The following PPP2R2C variants were observed in gnomAD, a reference collection of about 807,000 sequenced individuals.
PPP2R2C encodes protein phosphatase 2, regulatory subunit B, gamma.
PPP2R2C carries 10 observed loss-of-function variants against 45.3 expected under a neutral mutation model. The ratio of observed to expected loss-of-function variants is 0.22; its 90% CI spans 0.14 to 0.37. The LOEUF is 0.37. Among genes scored for constraint, PPP2R2C ranks in the 10% least tolerant of loss-of-function variants. The pLI is 1.00. For synonymous variants in PPP2R2C, 257 were observed against 245.4 expected (o/e 1.05, Z -0.44); for missense variants, 308 against 619.7 (o/e 0.50, Z 5.34).
chr4:6,562,962 C>CAAAAGAAAAAAAAAAAAAAAAA (rs1725627729), intron 1 of PPP2R2C, among the ~76,000 whole-genome samples: 1 of 83,262 alleles, frequency 1.2e-5, no homozygotes, highest in African/African-American at 4.6e-5. Flanking sequence ...CCCTGCCAGC[C>CAAAAGAAAAAAAAAAAAAAAAA]AAAAAAAAAA....
intron 1 of PPP2R2C, among the ~76,000 whole-genome samples, chr4:6,469,320 C>T (rs1721741879): frequency 6.6e-6 from 1 of 152,018 alleles, no homozygotes; most frequent in South Asian, 2.1e-4. Context: ...ATTGCAAACG[C>T]CCTGAAGCAA....
chr4:6,353,917 CCCCCCCACACCGACAG>C (rs1480469462), intron 5 of PPP2R2C, among the ~76,000 whole-genome samples: 2 of 5,504 alleles, frequency 3.6e-4, no homozygotes, highest in African/African-American at 2.2e-3. Context: ...ACACCGACAG[CCCCCCCACACCGACAG>C]CCCCCCACAC....
chr4:6,526,510 C>G (rs1724214069), intron 2 of PPP2R2C, among the ~76,000 whole-genome samples: 1 of 152,242 alleles, frequency 6.6e-6, no homozygotes, highest in African/African-American at 2.4e-5. Context: ...CTAAATGCTA[C>G]TGAACTGTGC....
chr4:6,361,362 A>G (rs908720702), intron 5 of PPP2R2C, among the ~76,000 whole-genome samples: 10 of 152,232 alleles, frequency 6.6e-5, no homozygotes, highest in African/African-American at 2.4e-4. Context: ...CCAAGCTATG[A>G]AAAAGGAAGA....
chr4:6,356,046 C>T (rs1032943847), intron 5 of PPP2R2C, among the ~76,000 whole-genome samples: 2 of 148,452 alleles, frequency 1.3e-5, no homozygotes, highest in Admixed American at 6.8e-5. Flanking sequence ...GCACGTCACA[C>T]GTGCTGCGGG....
rs914275216 is a variant in PPP2R2C, at chr4:6,350,154, G to A, written c.626-2144C>T. On this transcript the variant is annotated intron_variant, in intron 5 of 8. Transcript: ENST00000382599. ...CAGTTTTCCAGTATGAAAAGAAGCA[G>A]CGATTAAATAATGAAAAATGATACT... 45 of 985,434 alleles carry A rather than the reference G, an allele frequency of 4.6e-5. No homozygotes were observed. The African/African-American group carries it at 7.5e-4, about 16-fold the overall frequency. 61.0% of individuals were successfully genotyped at this position (985,434 alleles called of 1,614,324 possible). A position where few individuals can be genotyped will look rare whatever the true frequency, so the allele number is the denominator to read the frequency against.
chr4:6,362,663 T>A (rs1371303168), intron 5 of PPP2R2C, among the ~76,000 whole-genome samples: 1 of 152,330 alleles, frequency 6.6e-6, no homozygotes, highest in Non-Finnish European at 1.5e-5. Flanking sequence ...TCTCCACTTC[T>A]GCTGAGTTGG....
intron 4 of PPP2R2C, among the ~76,000 whole-genome samples, chr4:6,373,053 A>T (rs1316085361): frequency 6.6e-6 from 1 of 152,236 alleles, no homozygotes; most frequent in African/African-American, 2.4e-5. Flanking sequence ...TCACTGGGAA[A>T]CAGCTGTCTA....
In PPP2R2C at chr4:6,330,370, C is replaced by T. The variant is rs1050448707; in HGVS notation, c.961-1017G>A. ...TGAAGGGTGGTGTGAACGTCAATTT[C>T]GTGTGTCAGCTTGGCTGGGCCAAGG... On this transcript the variant is annotated intron_variant, in intron 7 of 8. Coordinates refer to ENST00000382599, the MANE Select transcript of PPP2R2C (RefSeq NM_020416.4). The surrounding 1 kb of genome is among the most constrained non-coding windows in gnomAD (Gnocchi z 7.0). 2.1e-4 allele frequency among the ~76,000 whole-genome samples: 32 copies of T among 152,306 alleles called. No homozygotes were observed. Among genetic ancestry groups the T allele is most frequent in the African/African-American group, 6.5e-4 (27 of 41,566 alleles).
chr4:6,455,588 G>T (rs73207829), intron 1 of PPP2R2C, among the ~76,000 whole-genome samples: 13,304 of 152,094 alleles, frequency 0.087, 772 homozygotes, highest in Non-Finnish European at 0.13. Context: ...GCCCACCCTG[G>T]GCAACTGACT....
At chr4:6,523,410 A>G (rs1724088423) in intron 2 of PPP2R2C, 1 of 152,180 alleles carries the variant, frequency 6.6e-6, no homozygotes, top group Non-Finnish European at 1.5e-5. Context: ...AAACAACCCA[A>G]TTTCAAAATG....
Position 6,323,512 on chromosome 4 carries a change from C to T in PPP2R2C, c.1134G>A (p.Ser378=), listed in dbSNP as rs199531720. The T allele has an allele frequency of 1.4e-5, 22 of 1,606,398 alleles. No homozygotes were observed. Among genetic ancestry groups the T allele is most frequent in the African/African-American group, 1.3e-5 (1 of 74,936 alleles). ...CAGCCCGGGGCTTGCTGCTTTCCCT[C>T]GAGGCCTCCAGGGTCACGTCCCGCT... The part of the protein sequence containing the change: ...NTKRDVTLEA[S]RESSKPRAVL... The change falls in exon 9 of 9, where the codon TCG becomes TCA. Residue 378 remains serine, a synonymous_variant. Coordinates refer to ENST00000382599, the MANE Select transcript of PPP2R2C (RefSeq NM_020416.4).
At chr4:6,456,899 T>G (rs528486011) in intron 1 of PPP2R2C, among the ~76,000 whole-genome samples, 1 of 152,086 alleles carries the variant, frequency 6.6e-6, no homozygotes, top group Non-Finnish European at 1.5e-5. Context: ...GCTGTACGGG[T>G]GGTGTGGATC....
rs1019840897 is a variant in PPP2R2C, at chr4:6,321,818, G to C, written c.*1484C>G. The C allele has an allele frequency of 1.3e-5, 2 of 152,210 alleles. No homozygotes were observed. The highest frequency in any genetic ancestry group is 2.9e-5 in the Non-Finnish European group (2 of 68,044). 9.4% of individuals were successfully genotyped at this position (152,210 alleles called of 1,614,324 possible). A position where few individuals can be genotyped will look rare whatever the true frequency, so the allele number is the denominator to read the frequency against. On this transcript the variant is annotated 3_prime_UTR_variant, in exon 9 of 9. Coordinates refer to ENST00000382599, the MANE Select transcript of PPP2R2C (RefSeq NM_020416.4). ...CACCAGAACAGGAGCATCTACCATG[G>C]AAACACCACCTTCTCTGTGGCCCTC... is the stretch of plus-strand genomic sequence containing the variant.
Position 6,508,270 on chromosome 4 carries a change from A to C in PPP2R2C, c.49+27001T>G, listed in dbSNP as rs907174786. On this transcript the variant is annotated intron_variant, in intron 2 of 9. Coordinates refer to the PPP2R2C transcript ENST00000506140. ...AATTGGTTACAGCTGGCATCAGGGAAAGGCAGTCTCCCAATAGAAACAGCT... is the reference window on the plus strand; with the variant it reads ...AATTGGTTACAGCTGGCATCAGGGACAGGCAGTCTCCCAATAGAAACAGCT... 1.6e-4 allele frequency among the ~76,000 whole-genome samples: 24 copies of C among 152,324 alleles called. No homozygotes were observed. In the East Asian group the frequency reaches 4.4e-3, roughly 28 times the overall value.
chr4:6,540,675 A>C (rs1343521955), intron 1 of PPP2R2C, among the ~76,000 whole-genome samples: 1 of 152,266 alleles, frequency 6.6e-6, no homozygotes, highest in Non-Finnish European at 1.5e-5. Context: ...TGGCTACACC[A>C]TTTCACGTTC....
At chr4:6,472,134 G>A (rs1721933129) in intron 1 of PPP2R2C, 26 bp downstream of exon 1, 2 of 1,613,216 alleles carry the variant, frequency 1.2e-6, no homozygotes, top group Non-Finnish European at 1.7e-6. Flanking sequence ...GCCGGCCGGA[G>A]GGGTCTCAGA....
chr4:6,348,232 A>G (rs1235993618), intron 5 of PPP2R2C, among the ~76,000 whole-genome samples: 1 of 151,506 alleles, frequency 6.6e-6, no homozygotes, highest in Non-Finnish European at 1.5e-5. Flanking sequence ...TGTTCCCATG[A>G]AGCTGGACCC....
chr4:6,386,933 A>G (rs570907371), intron 1 of PPP2R2C, among the ~76,000 whole-genome samples: 1 of 152,338 alleles, frequency 6.6e-6, no homozygotes, highest in South Asian at 2.1e-4. Flanking sequence ...ACTTAAAAAT[A>G]CCATGTCTGA....
Sources: allele counts gnomAD v4.1 joint callset (sites outside exome capture counted in the v4.1 genomes callset), GRCh38; gene constraint gnomAD v4.1.1; non-coding constraint Gnocchi (gnomAD v3.1); transcripts MANE v1.5; gene names NCBI Gene and HGNC (gene_info 2026-07-23, HGNC 2026-07-21).